SEC62: variants seen among roughly 807,000 people sequenced by gnomAD.
SEC62 encodes translocation protein SEC62.
Under a neutral mutation model 47.5 loss-of-function variants are expected in SEC62, and 10 were observed. The ratio of observed to expected loss-of-function variants is 0.21; its 90% CI spans 0.13 to 0.36. The LOEUF (loss-of-function observed/expected upper bound fraction) is 0.36, where lower values mean the gene tolerates loss of function less well. Among genes scored for constraint, SEC62 ranks in the 10% least tolerant of loss-of-function variants. The pLI, the probability that SEC62 is intolerant of heterozygous loss-of-function variation, is 1.00. For synonymous variants in SEC62, 136 were observed against 150.5 expected (o/e 0.90, Z 0.71); for missense variants, 327 against 464.1 (o/e 0.70, Z 2.71).
chr3:169,991,572 G>A (rs1443907433), intron 7 of SEC62, among the ~76,000 whole-genome samples: 1 of 152,084 alleles, frequency 6.6e-6, no homozygotes, highest in African/African-American at 2.4e-5. Flanking sequence ...AATTAGCGGA[G>A]CATGGTGGCA....
At chr3:169,989,997 T>C (rs1302464454) in intron 7 of SEC62, among the ~76,000 whole-genome samples, 1 of 138,914 alleles carries the variant, frequency 7.2e-6, no homozygotes, top group Non-Finnish European at 1.6e-5. Context: ...TATATAGATA[T>C]ATGATATATC....
At chr3:169,985,906 A>T in intron 6 of SEC62, 41 bp downstream of exon 6, 1 of 1,412,832 alleles carries the variant, frequency 7.1e-7, no homozygotes, top group Non-Finnish European at 9.9e-7. Flanking sequence ...TGCAATCTAA[A>T]ATTTAGAAAA....
chr3:169,976,291 C>A (rs1714835476), intron 2 of SEC62, among the ~76,000 whole-genome samples: 1 of 152,018 alleles, frequency 6.6e-6, no homozygotes, highest in African/African-American at 2.4e-5. Flanking sequence ...TGGCTTGAGC[C>A]CAGGAGTTAG....
rs1714937051 is a variant in SEC62, at chr3:169,980,254, A to T, written c.252-2453A>T. Reference sequence around the variant, plus strand: ...TTTAAGTAAATTTTGAAACATAAATAGGTGATTACCCAACAAACAAGAGAA... The same window carrying T: ...TTTAAGTAAATTTTGAAACATAAATTGGTGATTACCCAACAAACAAGAGAA... On this transcript the variant is annotated intron_variant, in intron 3 of 7. Transcript: ENST00000337002. Among the ~76,000 whole-genome samples, 4 of 152,310 alleles carry T rather than the reference A, an allele frequency of 2.6e-5. No individual in the cohort carries two copies. The South Asian group carries it at 6.2e-4, about 24-fold the overall frequency.
intron 3 of SEC62, among the ~76,000 whole-genome samples, chr3:169,982,124 A>G (rs144035162): frequency 0.019 from 2,904 of 152,320 alleles, 40 homozygotes; most frequent in Middle Eastern, 0.031. Flanking sequence ...ACATTTTTCA[A>G]TTTGATGTTG....
In SEC62 at chr3:169,994,694, A is replaced by G. The variant is rs1000971914; in HGVS notation, c.*1631A>G. 6 of 152,160 alleles carry G rather than the reference A, an allele frequency of 3.9e-5. No individual in the cohort carries two copies. Among genetic ancestry groups the G allele is most frequent in the African/African-American group, 1.4e-4 (6 of 41,460 alleles). 9.4% of individuals were successfully genotyped at this position (152,160 alleles called of 1,614,324 possible). On this transcript the variant is annotated 3_prime_UTR_variant, in exon 8 of 8. Coordinates refer to ENST00000337002, the MANE Select transcript of SEC62 (RefSeq NM_003262.4). ...CATTTCCACAGTAAGCATATATATA[A>G]TGATCACTTCTGAGTTTATCACCAG...
intron 6 of SEC62, among the ~76,000 whole-genome samples, chr3:169,987,256 G>A (rs112770156): frequency 0.014 from 2,090 of 151,884 alleles, 59 homozygotes; most frequent in East Asian, 0.13. Flanking sequence ...GCGAAACCTC[G>A]TTTCTACAAA....
chr3:169,995,938 C>T lies in SEC62; in HGVS notation c.*2875C>T, dbSNP rs1259060923. 6.6e-6 allele frequency: 1 copy of T among 152,188 alleles called. No homozygotes were observed. 9.4% of individuals were successfully genotyped at this position (152,188 alleles called of 1,614,324 possible). On this transcript the variant is annotated 3_prime_UTR_variant, in exon 8 of 8. Transcript: ENST00000337002. ...TAAGCTTCATAAGGCACACAACAGC[C>T]TTTTTACCCTTAGGAACAGCTTTTT...
At chr3:169,969,346 TC>T in intron 1 of SEC62, 1 of 456,666 alleles carries the variant, frequency 2.2e-6, no homozygotes, top group Non-Finnish European at 4.4e-6. Flanking sequence ...TTGTCACATT[TC>T]CTTCTTGGAC....
Position 169,988,341 on chromosome 3 carries a change from ATTC to A in SEC62, c.717_719del (p.Leu241del). 1 of 1,613,616 alleles carries A rather than the reference ATTC, an allele frequency of 6.2e-7. No homozygotes were observed. Among genetic ancestry groups the A allele is most frequent in the Admixed American group, 1.7e-5 (1 of 60,008 alleles). ...GGGTGCAGGCTGTTTTGTAGCCAGTATTCTTCTCCTTGCTGTTGGTAAGTATTG... is the reference window on the plus strand; with the variant it reads ...GGGTGCAGGCTGTTTTGTAGCCAGTATTCTCCTTGCTGTTGGTAAGTATTG... On this transcript the variant is annotated inframe_deletion, in exon 7 of 8. Coordinates refer to ENST00000337002, the MANE Select transcript of SEC62 (RefSeq NM_003262.4).
intron 3 of SEC62, among the ~76,000 whole-genome samples, chr3:169,980,124 A>G (rs145285860): frequency 4.9e-4 from 74 of 152,346 alleles, no homozygotes; most frequent in African/African-American, 1.7e-3. Flanking sequence ...ATCAAAACAT[A>G]TTCTGATCTG....
intron 1 of SEC62, chr3:169,969,497 A>G: frequency 2.8e-6 from 1 of 361,508 alleles, no homozygotes; most frequent in South Asian, 2.1e-5. Context: ...AAAAGGATCT[A>G]GTAGGGTTTG....
Position 169,992,932 on chromosome 3 carries a change from A to G in SEC62, c.1069A>G (p.Ser357Gly). ...RREDDRSQHS[S>G]GNGNDFEMIT... ...GGAAGATGATCGATCCCAGCACAGT[A>G]GTGGAAATGGAAATGATTTTGAAAT... Residue 357 changes from serine (S) to glycine (G), a missense_variant, in exon 8 of 8, where the codon AGT (serine) becomes GGT (glycine). Ser to Gly is a moderately conservative substitution (Grantham distance 56). Transcript: ENST00000337002. This position sits in a 1 kb window ranked among gnomAD's most constrained non-coding sequence, Gnocchi z 4.0. 1.9e-6 allele frequency: 3 copies of G among 1,614,102 alleles called. No individual in the cohort carries two copies.
chr3:169,987,864 T>C (rs773517800), intron 6 of SEC62, among the ~76,000 whole-genome samples: 1 of 151,688 alleles, frequency 6.6e-6, no homozygotes, highest in Non-Finnish European at 1.5e-5. Flanking sequence ...GTTGGCTTTG[T>C]TGTTCTGTTG....
intron 1 of SEC62, among the ~76,000 whole-genome samples, chr3:169,971,464 A>G (rs1381650305): frequency 6.6e-6 from 1 of 152,232 alleles, no homozygotes; most frequent in African/African-American, 2.4e-5. Context: ...GCAGTCTACA[A>G]TATGGATAAG....
intron 5 of SEC62, among the ~76,000 whole-genome samples, chr3:169,984,140 A>G (rs957621770): frequency 3.3e-5 from 5 of 152,296 alleles, no homozygotes; most frequent in Non-Finnish European, 7.4e-5. Flanking sequence ...CTATAAAGTC[A>G]TGGCTCCTAG....
chr3:169,972,423 T>C (rs147554331), intron 1 of SEC62, among the ~76,000 whole-genome samples: 16 of 152,228 alleles, frequency 1.1e-4, no homozygotes, highest in African/African-American at 3.9e-4. Context: ...ATTGATAATC[T>C]CACTCCTAAT....
intron 1 of SEC62, among the ~76,000 whole-genome samples, chr3:169,969,016 A>G (rs1714627384): frequency 6.6e-6 from 1 of 152,220 alleles, no homozygotes; most frequent in African/African-American, 2.4e-5. Context: ...AAACTATAAT[A>G]CATCACTTGT....
At chr3:169,984,513 A>G (rs1380165862) in intron 5 of SEC62, among the ~76,000 whole-genome samples, 1 of 152,198 alleles carries the variant, frequency 6.6e-6, no homozygotes, top group Non-Finnish European at 1.5e-5. Flanking sequence ...GCGTGCCAGG[A>G]AGGAGGTTAG....
Sources: allele counts gnomAD v4.1 joint callset (sites outside exome capture counted in the v4.1 genomes callset), GRCh38; gene constraint gnomAD v4.1.1; non-coding constraint Gnocchi (gnomAD v3.1); transcripts MANE v1.5; gene names NCBI Gene and HGNC (gene_info 2026-07-23, HGNC 2026-07-21).